The following NYAP2 variants were observed in gnomAD, a reference collection of about 807,000 sequenced individuals.
NYAP2 encodes neuronal tyrosine-phosphorylated phosphoinositide-3-kinase adaptor 2.
In NYAP2, 23 loss-of-function variants were observed where a neutral mutation model predicts 50.4. That is an observed-to-expected ratio of 0.46 (90% CI 0.33 to 0.65). The LOEUF (loss-of-function observed/expected upper bound fraction) is 0.65, where lower values mean the gene tolerates loss of function less well. Ranked by LOEUF, NYAP2 falls within the 30% of genes least tolerant of loss-of-function variation. NYAP2 has a pLI of 0.02. For missense variants in NYAP2, 885 were observed against 861.0 expected (o/e 1.03, Z -0.35); for synonymous variants, 394 against 365.2 (o/e 1.08, Z -0.90).
intron 3 of NYAP2, among the ~76,000 whole-genome samples, chr2:225,437,450 C>A (rs967000146): frequency 2.6e-5 from 4 of 152,204 alleles, no homozygotes; most frequent in Middle Eastern, 3.2e-3. Context: ...ATCATTTCAT[C>A]TGGCTCTGAT....
At chr2:225,431,061 G>A (rs764678825) in intron 3 of NYAP2, among the ~76,000 whole-genome samples, 1 of 152,138 alleles carries the variant, frequency 6.6e-6, no homozygotes, top group Non-Finnish European at 1.5e-5. Flanking sequence ...ACATCATTTA[G>A]ATTGGTTTGA....
At chr2:225,464,033 C>T (rs535761984) in intron 3 of NYAP2, among the ~76,000 whole-genome samples, 1 of 152,270 alleles carries the variant, frequency 6.6e-6, no homozygotes, top group Admixed American at 6.5e-5. Flanking sequence ...AAGGAGGACC[C>T]AGCAAACTGG....
chr2:225,436,203 TCAAA>T (rs1018263508), intron 3 of NYAP2, among the ~76,000 whole-genome samples: 7 of 152,172 alleles, frequency 4.6e-5, no homozygotes, highest in African/African-American at 1.7e-4. Flanking sequence ...AAAATAAAGG[TCAAA>T]CAATCTTTAA....
In NYAP2 at chr2:225,582,834, C is replaced by T; in HGVS notation, c.1417C>T (p.Pro473Ser). Residue 473 changes from proline to serine, a missense_variant, in exon 5 of 7, where the codon CCT becomes TCT. Pro to Ser is a moderately conservative substitution (Grantham distance 74). Coordinates refer to ENST00000636099, the Ensembl canonical transcript of NYAP2. The surrounding 1 kb of genome is among the most constrained non-coding windows in gnomAD (Gnocchi z 7.0). ...CCTCTCAAGGAGCTCTCCTTCAGTGCCTCACTCGACCCCCAGACCCGTGTC... is the reference window on the plus strand; with the variant it reads ...CCTCTCAAGGAGCTCTCCTTCAGTGTCTCACTCGACCCCCAGACCCGTGTC... 6.2e-7 allele frequency: 1 copy of T among 1,613,892 alleles called. No homozygotes were observed. Among genetic ancestry groups the T allele is most frequent in the Non-Finnish European group, 8.5e-7 (1 of 1,179,886 alleles).
At chr2:225,464,775 G>C (rs951783901) in intron 3 of NYAP2, among the ~76,000 whole-genome samples, 1 of 152,214 alleles carries the variant, frequency 6.6e-6, no homozygotes, top group African/African-American at 2.4e-5. Context: ...GTAAGAACGT[G>C]AGCAATAGGC....
upstream of NYAP2, among the ~76,000 whole-genome samples, chr2:225,398,093 A>AT (rs1287501824): frequency 2.0e-5 from 3 of 151,854 alleles, no homozygotes; most frequent in Middle Eastern, 3.2e-3. Flanking sequence ...CAGATTCTTC[A>AT]TTTTTTATGC....
At chr2:225,456,529 C>T (rs770054871) in intron 3 of NYAP2, among the ~76,000 whole-genome samples, 1 of 152,044 alleles carries the variant, frequency 6.6e-6, no homozygotes, top group Non-Finnish European at 1.5e-5. Flanking sequence ...GAGCTTCTGG[C>T]CTAATTAGGT....
intron 4 of NYAP2, among the ~76,000 whole-genome samples, chr2:225,536,865 G>A (rs1362132435): frequency 6.6e-6 from 1 of 150,590 alleles, no homozygotes; most frequent in Non-Finnish European, 1.5e-5. Flanking sequence ...TGCAAGCTCC[G>A]CCTCCCGGGT....
chr2:225,596,472 A>G (rs567277684), intron 5 of NYAP2, among the ~76,000 whole-genome samples: 2 of 152,348 alleles, frequency 1.3e-5, no homozygotes, highest in East Asian at 3.9e-4. Flanking sequence ...GTGAACAAAT[A>G]TGCATCCGAC....
At chr2:225,611,394 T>G (rs1235654882) in intron 5 of NYAP2, among the ~76,000 whole-genome samples, 1 of 152,146 alleles carries the variant, frequency 6.6e-6, no homozygotes. Flanking sequence ...GCCCCGTATA[T>G]CTGACCAGCT....
chr2:225,451,728 G>T (rs193247411), intron 3 of NYAP2, among the ~76,000 whole-genome samples: 1 of 152,254 alleles, frequency 6.6e-6, no homozygotes, highest in East Asian at 1.9e-4. Context: ...TAAAAATAAT[G>T]AGTGAAATAG....
intron 3 of NYAP2, among the ~76,000 whole-genome samples, chr2:225,465,041 G>A (rs1327363496): frequency 6.6e-6 from 1 of 152,084 alleles, no homozygotes; most frequent in Non-Finnish European, 1.5e-5. Context: ...TACAAACTTA[G>A]GAATCTAATA....
At chr2:225,418,620 T>A (rs1308349864) in intron 3 of NYAP2, among the ~76,000 whole-genome samples, 2 of 152,152 alleles carry the variant, frequency 1.3e-5, no homozygotes, top group Non-Finnish European at 2.9e-5. Context: ...GGCAGAAGAA[T>A]CATGTTTGGT....
intron 4 of NYAP2, among the ~76,000 whole-genome samples, chr2:225,522,727 A>G (rs962125018): frequency 2.0e-5 from 3 of 152,142 alleles, no homozygotes; most frequent in African/African-American, 7.2e-5. Context: ...TTTTGGTTCT[A>G]CTTCACCAGC....
the NYAP2 span, among the ~76,000 whole-genome samples, chr2:225,668,108 GTTTC>G: frequency 1.9e-4 from 29 of 152,260 alleles, no homozygotes; most frequent in Admixed American, 1.6e-3. Flanking sequence ...ATAGTTTTCA[GTTTC>G]TTTCTTTGTT....
At chr2:225,416,318 A>ATTC (rs1467213542) in intron 3 of NYAP2, among the ~76,000 whole-genome samples, 1 of 152,134 alleles carries the variant, frequency 6.6e-6, no homozygotes, top group Non-Finnish European at 1.5e-5. Context: ...GACCAGAAAA[A>ATTC]TTCTTTATTG....
chr2:225,467,153 G>A (rs1199974639), intron 3 of NYAP2, among the ~76,000 whole-genome samples: 4 of 152,106 alleles, frequency 2.6e-5, no homozygotes, highest in Non-Finnish European at 4.4e-5. Flanking sequence ...TGTGTTTACC[G>A]GAGTTGTACG....
intron 3 of NYAP2, among the ~76,000 whole-genome samples, chr2:225,489,931 G>A (rs1265363405): frequency 1.3e-5 from 2 of 152,210 alleles, no homozygotes; most frequent in Non-Finnish European, 2.9e-5. Context: ...GAACTGCTGA[G>A]TTACAAGCTC....
At chr2:225,658,490 A>T (rs1693862344), downstream of NYAP2, among the ~76,000 whole-genome samples, 1 of 152,242 alleles carries the variant, frequency 6.6e-6, no homozygotes, top group East Asian at 1.9e-4. Flanking sequence ...AAGAATTTGG[A>T]TCTAGCCCTG....
Sources: gnomAD v4.1 joint callset for allele counts (sites outside exome capture counted in the v4.1 genomes callset) on GRCh38, gnomAD v4.1.1 for gene constraint, Gnocchi (gnomAD v3.1) non-coding constraint, MANE v1.5 for transcripts, NCBI Gene and HGNC (gene_info 2026-07-23, HGNC 2026-07-21) for gene names.